The following G3BP1 variants were observed in gnomAD, a reference collection of about 807,000 sequenced individuals.
G3BP1 encodes ras GTPase-activating protein-binding protein 1.
In G3BP1, 35 loss-of-function variants were observed where a neutral mutation model predicts 58.6. The observed-to-expected ratio is 0.60, with a 90% CI of 0.46 to 0.79. G3BP1 has a LOEUF of 0.79. Among genes scored for constraint, G3BP1 ranks in the 30% least tolerant of loss-of-function variants. G3BP1 has a pLI of 0.00. For missense variants in G3BP1, 523 were observed against 580.8 expected (o/e 0.90, Z 1.02); for synonymous variants, 191 against 195.4 (o/e 0.98, Z 0.19).
At chr5:151,778,485 G>T (rs550275474) in intron 1 of G3BP1, among the ~76,000 whole-genome samples, 1 of 151,784 alleles carries the variant, frequency 6.6e-6, no homozygotes, top group Non-Finnish European at 1.5e-5. Flanking sequence ...CTTGTTGCCC[G>T]GGCTGGAGTG....
chr5:151,803,760 C>T (rs953031374), intron 11 of G3BP1, 125 bp from the exon 12 acceptor site: 10 of 635,770 alleles, frequency 1.6e-5, no homozygotes, highest in African/African-American at 1.3e-4. Context: ...TCCCAAAGTG[C>T]TGGGATTACA....
At chr5:151,793,848 A>G (rs1379204693) in intron 4 of G3BP1, among the ~76,000 whole-genome samples, 26 of 151,588 alleles carry the variant, frequency 1.7e-4, no homozygotes, top group Non-Finnish European at 2.9e-5. Context: ...AAAAAAAAAA[A>G]AAAGAAAAAA....
Position 151,786,597 on chromosome 5 carries a change from C to G in G3BP1, c.-24C>G. The G allele has an allele frequency of 6.7e-7, 1 of 1,501,888 alleles. No homozygotes were observed. The highest frequency in any genetic ancestry group is 1.4e-5 in the African/African-American group (1 of 72,840). The allele number at this position is 1,501,888 out of a possible 1,614,324, so 93.0% of individuals were successfully genotyped here. On this transcript the variant is annotated 5_prime_UTR_variant, in exon 2 of 12. Coordinates refer to ENST00000356245, the MANE Select transcript of G3BP1 (RefSeq NM_005754.3). The stretch of plus-strand genomic sequence containing the variant: ...GTTTGGACATATTTGACTCTTTTCC[C>G]CCCAGGTTGAATTGACCAAAGCAAT...
rs902456781 is a variant in G3BP1 at position 151,808,654 on chromosome 5, A to G, written c.*4563A>G. On this transcript the variant is annotated 3_prime_UTR_variant, in exon 12 of 12. Coordinates refer to ENST00000356245, the MANE Select transcript of G3BP1 (RefSeq NM_005754.3). ...AAATTCCTAAGTGTAGTATTTTGAAATGTGGCCAGTGTCCCAGATTTGTAA... is the reference window on the plus strand; with the variant it reads ...AAATTCCTAAGTGTAGTATTTTGAAGTGTGGCCAGTGTCCCAGATTTGTAA... The G allele has an allele frequency of 6.6e-6, 1 of 152,226 alleles. No individual in the cohort carries two copies. The highest frequency in any genetic ancestry group is 2.4e-5 in the African/African-American group (1 of 41,458). 9.4% of individuals were successfully genotyped at this position (152,226 alleles called of 1,614,324 possible).
intron 1 of G3BP1, among the ~76,000 whole-genome samples, chr5:151,777,618 C>T (rs1762395192): frequency 6.6e-6 from 1 of 152,156 alleles, no homozygotes; most frequent in South Asian, 2.1e-4. Flanking sequence ...ATCCCAGCTT[C>T]TCAAAAGACT....
chr5:151,797,467 A>G lies in G3BP1; in HGVS notation c.741+39A>G, dbSNP rs370787939. ...CTTCATTTTTATTCTATTCCTAGTT[A>G]TTTTTTTTAAAAAAAGTTTCTGTTC... is the stretch of plus-strand genomic sequence containing the variant. On this transcript the variant is annotated intron_variant, in intron 7 of 11. Coordinates refer to ENST00000356245, the MANE Select transcript of G3BP1 (RefSeq NM_005754.3). The G allele has an allele frequency of 3.2e-6, 5 of 1,552,256 alleles. No individual in the cohort carries two copies. In the African/African-American group the frequency reaches 6.9e-5, roughly 22 times the overall value.
chr5:151,790,222 C>T, intron 2 of G3BP1, 101 bp from the exon 3 acceptor site: 2 of 566,444 alleles, frequency 3.5e-6, no homozygotes, highest in South Asian at 4.2e-5. Flanking sequence ...CAGAATGAGA[C>T]CCCGTTGCAA....
In G3BP1 at chr5:151,805,218, A is replaced by C. The variant is rs938086872; in HGVS notation, c.*1127A>C. ...ACTTTGCTCATGTGCTCGTGTCCGC[A>C]TTTTTTTTTTTCTTAAAATCATAGC... On this transcript the variant is annotated 3_prime_UTR_variant, in exon 12 of 12. Transcript: ENST00000356245. 6.9e-6 allele frequency: 1 copy of C among 145,508 alleles called. No homozygotes were observed. The highest frequency in any genetic ancestry group is 6.9e-5 in the Admixed American group (1 of 14,566). The allele number at this position is 145,508 out of a possible 1,614,324, so 9.0% of individuals were successfully genotyped here. A position where few individuals can be genotyped will look rare whatever the true frequency, so the allele number is the denominator to read the frequency against.
intron 1 of G3BP1, among the ~76,000 whole-genome samples, chr5:151,773,807 A>G (rs1184602104): frequency 6.6e-6 from 1 of 152,190 alleles, no homozygotes; most frequent in African/African-American, 2.4e-5. Context: ...AAGTTGAGCA[A>G]TTTAAGTTGT....
chr5:151,807,083 T>G lies in G3BP1; in HGVS notation c.*2992T>G, dbSNP rs1392857099. The G allele has an allele frequency of 1.3e-5, 2 of 152,198 alleles. No individual in the cohort carries two copies. Among genetic ancestry groups the G allele is most frequent in the African/African-American group, 2.4e-5 (1 of 41,448 alleles). 9.4% of individuals were successfully genotyped at this position (152,198 alleles called of 1,614,324 possible). A position where few individuals can be genotyped will look rare whatever the true frequency, so the allele number is the denominator to read the frequency against. The stretch of plus-strand genomic sequence containing the variant: ...TTGTGTATTCCAGCGTTCTCAACTT[T>G]GTCAGATATTGCTAGGGACCAGTGA... On this transcript the variant is annotated 3_prime_UTR_variant, in exon 12 of 12. Transcript: ENST00000356245.
At position 151,790,394 on chromosome 5, in the gene G3BP1, A is replaced by G; in HGVS notation, c.167A>G (p.Tyr56Cys). The G allele has an allele frequency of 3.8e-6, 6 of 1,574,616 alleles. No homozygotes were observed. The highest frequency in any genetic ancestry group is 4.3e-6 in the Non-Finnish European group (5 of 1,156,672). The change falls in exon 3 of 12, where the codon TAC becomes TGC. Residue 56 changes from tyrosine to cysteine, a missense_variant. Physicochemically the swap from Tyr to Cys is radical, Grantham distance 194. Coordinates refer to ENST00000356245, the MANE Select transcript of G3BP1 (RefSeq NM_005754.3). ...AATGGAAAGCCAGCAGATGCAGTCT[A>G]CGGACAGAAAGTAAGCATTTCAAGC... ...DSNGKPADAV[Y>C]GQKEIHRKVM...
At position 151,802,964 on chromosome 5, in the gene G3BP1, A is replaced by G. The variant is rs115163573; in HGVS notation, c.1195-921A>G. ...TAAATAAATAAATAAATTTGAATAGAACACTTCCGCGACACATAGTAAGTA... is the reference window on the plus strand; with the variant it reads ...TAAATAAATAAATAAATTTGAATAGGACACTTCCGCGACACATAGTAAGTA... On this transcript the variant is annotated intron_variant, in intron 11 of 11. Transcript: ENST00000356245. Among the ~76,000 whole-genome samples, 438 of 152,232 alleles carry G rather than the reference A, an allele frequency of 2.9e-3. 1 individual carries two copies. The highest frequency in any genetic ancestry group is 0.01 in the African/African-American group (421 of 41,552).
intron 4 of G3BP1, chr5:151,791,269 G>A (rs558494210): frequency 1.7e-4 from 73 of 429,520 alleles, no homozygotes; most frequent in Middle Eastern, 1.3e-3. Context: ...ATAGTTTAGT[G>A]GGCATTTCCT....
At position 151,797,402 on chromosome 5, in the gene G3BP1, G is replaced by C. The variant is rs770937197; in HGVS notation, c.715G>C (p.Ala239Pro). 2 of 1,612,100 alleles carry C rather than the reference G, an allele frequency of 1.2e-6. No homozygotes were observed. The highest frequency in any genetic ancestry group is 1.7e-6 in the Non-Finnish European group (2 of 1,178,254). The change falls in exon 7 of 12, where the codon GCT (alanine) becomes CCT (proline). Residue 239 changes from alanine (A) to proline (P), a missense_variant. By Grantham distance (27) the Ala-to-Pro change is conservative. Coordinates refer to ENST00000356245, the MANE Select transcript of G3BP1 (RefSeq NM_005754.3). ...KSSSPAPADIAQTVQEDLRTF... is the reference protein window; with the variant it reads ...KSSSPAPADIPQTVQEDLRTF... ...TTCTTCTCCAGCACCTGCAGACATA[G>C]CTCAGACAGTACAGGAAGACTTGAG...
chr5:151,802,369 A>G (rs1356462671), intron 11 of G3BP1, among the ~76,000 whole-genome samples: 1 of 152,234 alleles, frequency 6.6e-6, no homozygotes, highest in Non-Finnish European at 1.5e-5. Flanking sequence ...TGGTATTGAT[A>G]GAAGTCTACT....
chr5:151,791,273 A>C, intron 4 of G3BP1: 1 of 422,084 alleles, frequency 2.4e-6, no homozygotes, highest in Non-Finnish European at 4.3e-6. Context: ...TTTAGTGGGC[A>C]TTTCCTAAGA....
intron 1 of G3BP1, among the ~76,000 whole-genome samples, chr5:151,781,284 G>T (rs907294432): frequency 2.0e-5 from 3 of 152,142 alleles, no homozygotes; most frequent in Non-Finnish European, 4.4e-5. Flanking sequence ...CAAATGTAAA[G>T]ATACAGTATT....
At chr5:151,782,046 A>G (rs1239365867) in intron 1 of G3BP1, among the ~76,000 whole-genome samples, 2 of 152,114 alleles carry the variant, frequency 1.3e-5, no homozygotes, top group African/African-American at 4.8e-5. Context: ...CTAGGAAAAT[A>G]AGGAAAATAT....
chr5:151,783,084 C>T (rs567739987), intron 1 of G3BP1, among the ~76,000 whole-genome samples: 412 of 151,994 alleles, frequency 2.7e-3, no homozygotes, highest in Non-Finnish European at 1.8e-3. Flanking sequence ...GTGTTGAACT[C>T]CTGACCTCGT....
Sources: allele counts gnomAD v4.1 joint callset (sites outside exome capture counted in the v4.1 genomes callset), GRCh38; gene constraint gnomAD v4.1.1; transcripts MANE v1.5; gene names NCBI Gene and HGNC (gene_info 2026-07-23, HGNC 2026-07-21).